Variants in ADCY5 observed in about 807,000 individuals in gnomAD.
ADCY5 encodes the protein adenylate cyclase type 5.
A neutral mutation model predicts 119.7 loss-of-function variants in ADCY5; 30 were observed. That is an observed-to-expected ratio of 0.25 (90% confidence interval 0.19 to 0.34). ADCY5 has a LOEUF of 0.34. ADCY5 is among the 10% of genes least tolerant of loss of function. The probability of loss-of-function intolerance (pLI) is 1.00; values close to 1 mark genes in which losing one functional copy is unlikely to be tolerated. For synonymous variants in ADCY5, 753 were observed against 762.2 expected (o/e 0.99, Z 0.20); for missense variants, 1,324 against 1,775.2 (o/e 0.75, Z 4.57).
chr3:123,290,030 C>A, intron 18 of ADCY5, 76 bp from the exon 19 acceptor site: 1 of 1,440,702 alleles, frequency 6.9e-7, no homozygotes, highest in South Asian at 1.2e-5. Context: ...AGAGGATGTC[C>A]AGGGAAGTGC....
intron 9 of ADCY5, 35 bp from the exon 10 acceptor site, chr3:123,319,853 G>C (rs200696823): frequency 1.2e-6 from 2 of 1,604,466 alleles, no homozygotes; most frequent in African/African-American, 2.7e-5. Flanking sequence ...GAGACAGGCT[G>C]ACCACAGGGG....
intron 1 of ADCY5, among the ~76,000 whole-genome samples, chr3:123,444,635 G>C (rs984418586): frequency 1.3e-5 from 2 of 152,186 alleles, no homozygotes; most frequent in Non-Finnish European, 2.9e-5. Flanking sequence ...TTGGAGCCAA[G>C]GGCAGAGCCC....
In ADCY5 at chr3:123,448,287, C is replaced by A. The variant is rs529481040; in HGVS notation, c.259G>T (p.Asp87Tyr). ...DDDDPPLSGDDPLAGGFGFSF... is the reference protein window; with the variant it reads ...DDDDPPLSGDYPLAGGFGFSF... Reference sequence around the variant, plus strand: ...AAGCCGAAGCCCCCGGCCAGGGGGTCGTCACCGCTCAGCGGAGGATCGTCG... The same window carrying A: ...AAGCCGAAGCCCCCGGCCAGGGGGTAGTCACCGCTCAGCGGAGGATCGTCG... The change falls in exon 1 of 21, where the codon GAC becomes TAC. Residue 87 changes from aspartate to tyrosine, a missense_variant. This residue lies in a region of ADCY5 where 585 missense variants were observed against 569.9 expected (regional missense o/e 1.03). Coordinates refer to ENST00000462833, the MANE Select transcript of ADCY5 (RefSeq NM_183357.3). The A allele has an allele frequency of 1.6e-5, 25 of 1,530,064 alleles. No homozygotes were observed. In the African/African-American group the frequency reaches 3.1e-4, roughly 19 times the overall value. The allele number at this position is 1,530,064 out of a possible 1,614,324, so 94.8% of individuals were successfully genotyped here.
At chr3:123,326,409 C>A (rs150019685) in intron 7 of ADCY5, among the ~76,000 whole-genome samples, 1 of 152,336 alleles carries the variant, frequency 6.6e-6, no homozygotes, top group African/African-American at 2.4e-5. Context: ...GGGACACAGC[C>A]TGCTTCAGCT....
intron 1 of ADCY5, among the ~76,000 whole-genome samples, chr3:123,412,366 C>T (rs1367770623): frequency 6.6e-6 from 1 of 152,168 alleles, no homozygotes; most frequent in Non-Finnish European, 1.5e-5. Flanking sequence ...AATAGGACGT[C>T]CCTGCGGGCT....
chr3:123,448,305 G>A lies in ADCY5; in HGVS notation c.241C>T (p.Pro81Ser). 2 of 1,540,730 alleles carry A rather than the reference G, an allele frequency of 1.3e-6. No homozygotes were observed. Among genetic ancestry groups the A allele is most frequent in the Non-Finnish European group, 1.7e-6 (2 of 1,154,244 alleles). ...AGGGGGTCGTCACCGCTCAGCGGAG[G>A]ATCGTCGTCGTCGTCGCTGCGCCAG... ...SRWRSDDDDD[P>S]PLSGDDPLAG... Residue 81 changes from proline to serine, a missense_variant, in exon 1 of 21, where the codon CCT becomes TCT. Transcript: ENST00000462833.
At chr3:123,314,753 T>C (rs1940810550) in intron 11 of ADCY5, among the ~76,000 whole-genome samples, 2 of 152,182 alleles carry the variant, frequency 1.3e-5, no homozygotes, top group South Asian at 4.1e-4. Context: ...TAAATAACTG[T>C]GAAGGCTGAA....
At chr3:123,423,492 C>G (rs116140602) in intron 1 of ADCY5, among the ~76,000 whole-genome samples, 1,568 of 152,328 alleles carry the variant, frequency 0.01, 9 homozygotes, top group Non-Finnish European at 0.016. Context: ...CATCTCACAG[C>G]CAGAAACTGG....
At chr3:123,350,294 G>A (rs1335396783) in intron 2 of ADCY5, among the ~76,000 whole-genome samples, 1 of 152,182 alleles carries the variant, frequency 6.6e-6, no homozygotes, top group African/African-American at 2.4e-5. Context: ...GTCTTGTCCA[G>A]TGCCACAGCC....
At chr3:123,415,128 G>T (rs557620262) in intron 1 of ADCY5, among the ~76,000 whole-genome samples, 1 of 152,168 alleles carries the variant, frequency 6.6e-6, no homozygotes, top group Non-Finnish European at 1.5e-5. Flanking sequence ...ACTGGCCCTC[G>T]GGTCTGATAG....
chr3:123,400,846 A>G (rs1021490539), intron 1 of ADCY5, among the ~76,000 whole-genome samples: 3 of 152,130 alleles, frequency 2.0e-5, no homozygotes, highest in Admixed American at 2.0e-4. Flanking sequence ...CAGGAGGCTG[A>G]GGCAGGAGAA....
intron 13 of ADCY5, among the ~76,000 whole-genome samples, chr3:123,303,843 G>GAA: frequency 1.7e-5 from 1 of 59,294 alleles, no homozygotes; most frequent in Non-Finnish European, 3.1e-5. Flanking sequence ...AAAGAAAAGA[G>GAA]AAGAGAAGAG....
At chr3:123,396,793 G>A (rs1306887855) in intron 1 of ADCY5, among the ~76,000 whole-genome samples, 2 of 99,216 alleles carry the variant, frequency 2.0e-5, no homozygotes, top group Non-Finnish European at 4.6e-5. Flanking sequence ...CAGGCAGGCA[G>A]GCAGGCAGGC....
intron 3 of ADCY5, among the ~76,000 whole-genome samples, chr3:123,344,130 A>C (rs1310350433): frequency 1.3e-5 from 2 of 152,112 alleles, no homozygotes; most frequent in African/African-American, 2.4e-5. Context: ...ATCCAAGACA[A>C]ACTCTTTTCC....
intron 1 of ADCY5, among the ~76,000 whole-genome samples, chr3:123,440,265 G>A (rs989399569): frequency 6.6e-6 from 1 of 152,346 alleles, no homozygotes; most frequent in East Asian, 1.9e-4. Flanking sequence ...AGCCCAGGGA[G>A]CCCTGAAGGG....
chr3:123,379,610 G>A (rs1222437836), intron 1 of ADCY5, among the ~76,000 whole-genome samples: 1 of 152,082 alleles, frequency 6.6e-6, no homozygotes, highest in Non-Finnish European at 1.5e-5. Context: ...GAGGAGGTGT[G>A]GAGAAGGGGG....
At chr3:123,428,784 G>T (rs1945462679) in intron 1 of ADCY5, among the ~76,000 whole-genome samples, 1 of 152,132 alleles carries the variant, frequency 6.6e-6, no homozygotes. Flanking sequence ...CAGATTCCTG[G>T]GCTCTACTCC....
At chr3:123,319,462 G>A (rs1941099265) in intron 10 of ADCY5, among the ~76,000 whole-genome samples, 1 of 151,938 alleles carries the variant, frequency 6.6e-6, no homozygotes, top group South Asian at 2.1e-4. Context: ...ATAATGAAAC[G>A]AAGGCACAGA....
intron 1 of ADCY5, among the ~76,000 whole-genome samples, chr3:123,441,503 T>C (rs9289222): frequency 0.53 from 80,354 of 152,024 alleles, 21,964 homozygotes; most frequent in East Asian, 0.7. Flanking sequence ...AGGTGTCATC[T>C]ACCTAGAGCT....
Sources: gnomAD v4.1 joint callset for allele counts (sites outside exome capture counted in the v4.1 genomes callset) on GRCh38, gnomAD v4.1.1 for gene constraint, gnomAD v4.1.1 regional missense constraint, MANE v1.5 for transcripts, NCBI Gene and HGNC (gene_info 2026-07-23, HGNC 2026-07-21) for gene names.